TTLL10: variants seen among roughly 807,000 people sequenced by gnomAD.
The protein encoded by TTLL10 is tubulin tyrosine ligase like 10.
Under a neutral mutation model 69.0 loss-of-function variants are expected in TTLL10, and 61 were observed. That is an observed-to-expected ratio of 0.88 (90% CI 0.72 to 1.09). The LOEUF is 1.09. TTLL10 is among the 50% of genes least tolerant of loss of function. The pLI, the probability that TTLL10 is intolerant of heterozygous loss-of-function variation, is 0.00. For synonymous variants in TTLL10, 408 were observed against 393.3 expected, an observed-to-expected ratio of 1.04 and a Z score of -0.44; for missense variants, 962 against 945.9, an observed-to-expected ratio of 1.02 and a Z score of -0.22.
Position 1,182,991 on chromosome 1 carries a change from C to T in TTLL10, c.1032C>T (p.Asp344=), listed in dbSNP as rs906807331. The T allele has an allele frequency of 2.0e-5, 32 of 1,609,524 alleles. No individual in the cohort carries two copies. The highest frequency in any genetic ancestry group is 9.4e-5 in the African/African-American group (7 of 74,814). ...ALQAKTRSME[D]DPIHHKTPFR... is the part of the protein sequence containing the mutation. The stretch of plus-strand genomic sequence containing the variant: ...AGGCCAAGACCCGGAGCATGGAGGA[C>T]GACCCCATCCACCACAAGACGCCGT... Residue 344 remains aspartate (D), a synonymous_variant, in exon 11 of 16, where the codon GAC becomes GAT. Coordinates refer to ENST00000379289, the MANE Select transcript of TTLL10 (RefSeq NM_001130045.2).
chr1:1,174,949 C>T (rs1339545090), intron 3 of TTLL10: 1 of 152,418 alleles, frequency 6.6e-6, no homozygotes, highest in Non-Finnish European at 1.5e-5. Context: ...AACCCTGTCT[C>T]TACTAAAAAT....
rs939476634 is a variant in TTLL10, at chr1:1,179,209, C to G, written c.-7C>G. The G allele has an allele frequency of 5.2e-6, 8 of 1,537,160 alleles. No homozygotes were observed. In the Admixed American group the frequency reaches 1.4e-4, roughly 27 times the overall value. On this transcript the variant is annotated 5_prime_UTR_variant, in exon 4 of 16. Transcript: ENST00000379289. ...TTCAGGGCCCTCGCCCGGGCACCCC[C>G]CGGCCAATGGACCACAGCTGCACCC...
At position 1,197,874 on chromosome 1, in the gene TTLL10, G is replaced by A. The variant is rs12026794; in HGVS notation, c.*27G>A. 0.13 allele frequency: 179,686 copies of A among 1,399,866 alleles called. 17,272 individuals carry two copies. The highest frequency in any genetic ancestry group is 0.58 in the East Asian group (19,506 of 33,634). 86.7% of individuals were successfully genotyped at this position (1,399,866 alleles called of 1,614,324 possible). On this transcript the variant is annotated 3_prime_UTR_variant, in exon 16 of 16. Coordinates refer to ENST00000379289, the MANE Select transcript of TTLL10 (RefSeq NM_001130045.2). ...GGCAGCCACCCGCGCCCAGCGCCCC[G>A]CGCCCCGCGCCCCAGCCGTGCTGCC...
At position 1,186,839 on chromosome 1, in the gene TTLL10, G is replaced by T. The variant is rs924107091; in HGVS notation, c.1401+1730G>T. 1.3e-4 allele frequency among the ~76,000 whole-genome samples: 19 copies of T among 145,632 alleles called. No homozygotes were observed. The South Asian group carries it at 1.6e-3, about 12-fold the overall frequency. On this transcript the variant is annotated intron_variant, in intron 13 of 15. Coordinates refer to ENST00000379289, the MANE Select transcript of TTLL10 (RefSeq NM_001130045.2). ...CCATCCAGTTGTGAAAGTTTTTTTTGTTTGTTTTTTGTTTTTTTTTTTTTG... is the reference window on the plus strand; with the variant it reads ...CCATCCAGTTGTGAAAGTTTTTTTTTTTTGTTTTTTGTTTTTTTTTTTTTG...
rs569439420 is a variant in TTLL10 at position 1,183,032 on chromosome 1, C to T, written c.1073C>T (p.Ala358Val). 291 of 1,606,560 alleles carry T rather than the reference C, an allele frequency of 1.8e-4. 3 individuals are homozygous for T. In the Middle Eastern group the frequency reaches 2.0e-3, roughly 11 times the overall value. Residue 358 changes from alanine (A) to valine (V), a missense_variant, in exon 11 of 16, where the codon GCG (alanine) becomes GTG (valine). Physicochemically the swap from Ala to Val is moderately conservative, Grantham distance 64. Transcript: ENST00000379289. ...AAGACGCCGTTCCGGGGGCCTCAGG[C>T]GCGGGTGGTGCAGAGGTGCGGCGGC... The part of the protein sequence containing the change: ...HHKTPFRGPQ[A>V]RVVQRYIQNP...
intron 10 of TTLL10, 42 bp from the exon 11 acceptor site, chr1:1,182,834 G>C: frequency 6.6e-7 from 1 of 1,516,046 alleles, no homozygotes; most frequent in Non-Finnish European, 8.9e-7. Context: ...GGCGTGGCTG[G>C]GTTGGGGGCG....
At chr1:1,186,413 C>T (rs1471707450) in intron 13 of TTLL10, among the ~76,000 whole-genome samples, 2 of 152,068 alleles carry the variant, frequency 1.3e-5, no homozygotes, top group Non-Finnish European at 2.9e-5. Flanking sequence ...TACAACGTTC[C>T]GTCATATGGA....
chr1:1,179,604 C>A, intron 4 of TTLL10, 53 bp from the exon 5 acceptor site: 1 of 1,549,746 alleles, frequency 6.5e-7, no homozygotes, highest in Non-Finnish European at 8.7e-7. Flanking sequence ...CTGACAATGG[C>A]CCCTTGGGTC....
intron 3 of TTLL10, among the ~76,000 whole-genome samples, chr1:1,178,595 G>A (rs1316366062): frequency 6.6e-6 from 1 of 151,922 alleles, no homozygotes; most frequent in African/African-American, 2.4e-5. Context: ...CTCCCAAGCA[G>A]CCCCAAGATG....
In TTLL10 at chr1:1,181,426, C is replaced by T. The variant is rs114012305; in HGVS notation, c.756-315C>T. ...CCTGCCCACTGCCCTTCTATGGACC[C>T]ACCTATCCCTCCTCACTTCATTTGG... On this transcript the variant is annotated intron_variant, in intron 8 of 15. Coordinates refer to ENST00000379289, the MANE Select transcript of TTLL10 (RefSeq NM_001130045.2). This position sits in a 1 kb window ranked among gnomAD's most constrained non-coding sequence, Gnocchi z 4.6. 0.021 allele frequency among the ~76,000 whole-genome samples: 3,263 copies of T among 152,120 alleles called. 120 individuals carry two copies. The highest frequency in any genetic ancestry group is 0.075 in the African/African-American group (3,097 of 41,450).
At position 1,185,390 on chromosome 1, in the gene TTLL10, C is replaced by T. The variant is rs779601376; in HGVS notation, c.1401+281C>T. 17 of 1,287,424 alleles carry T rather than the reference C, an allele frequency of 1.3e-5. No homozygotes were observed. The highest frequency in any genetic ancestry group is 1.7e-5 in the Non-Finnish European group (17 of 1,017,548). The allele number at this position is 1,287,424 out of a possible 1,614,324, so 79.8% of individuals were successfully genotyped here. ...GCCGTAGGGTCAGGGGACAGCTCGG[C>T]TTCAGTGACAGCCACCATGTGAAGA... On this transcript the variant is annotated intron_variant, in intron 13 of 15. Coordinates refer to ENST00000379289, the MANE Select transcript of TTLL10 (RefSeq NM_001130045.2). This position sits in a 1 kb window ranked among gnomAD's most constrained non-coding sequence, Gnocchi z 6.1.
At chr1:1,197,056 C>T (rs776055941) in intron 14 of TTLL10, 37 bp from the exon 15 acceptor site, 71 of 1,545,102 alleles carry the variant, frequency 4.6e-5, no homozygotes, top group Non-Finnish European at 6.0e-5. Context: ...GCCCAGTGGG[C>T]TCGGGGTGAG....
intron 13 of TTLL10, among the ~76,000 whole-genome samples, chr1:1,188,158 G>A (rs1647482487): frequency 6.7e-6 from 1 of 150,248 alleles, no homozygotes; most frequent in South Asian, 2.1e-4. Flanking sequence ...CAATTGACCA[G>A]AGCTGCAAGT....
intron 3 of TTLL10, chr1:1,175,435 G>C (rs543936087): frequency 1.2e-5 from 4 of 342,518 alleles, no homozygotes; most frequent in African/African-American, 6.4e-5. Flanking sequence ...AAAGGGGCTT[G>C]TCTTCCACAC....
rs13376597 is a variant in TTLL10 at position 1,180,614 on chromosome 1, G to A, written c.625+13G>A. The A allele has an allele frequency of 0.17, 265,360 of 1,551,714 alleles. 26,921 individuals carry two copies. The highest frequency in any genetic ancestry group is 0.42 in the African/African-American group (30,575 of 73,176). On this transcript the variant is annotated intron_variant, in intron 7 of 15. Transcript: ENST00000379289. ...AGCTTCCGGGAAGGTAGCGGGAGCC[G>A]GCACCAGAGGCGGGCAGCCTGCAGG... is the stretch of plus-strand genomic sequence containing the variant.
rs1367401775 is a variant in TTLL10, at chr1:1,181,084, A to G, written c.755+224A>G. On this transcript the variant is annotated intron_variant, in intron 8 of 15. Coordinates refer to ENST00000379289, the MANE Select transcript of TTLL10 (RefSeq NM_001130045.2). This position sits in a 1 kb window ranked among gnomAD's most constrained non-coding sequence, Gnocchi z 4.6. The stretch of plus-strand genomic sequence containing the variant: ...CTGGCCCCAGCCCCCACCCGTCAGC[A>G]CCTGCCTCCACCTTCCACCTGTCCT... Among the ~76,000 whole-genome samples the G allele has an allele frequency of 7.9e-6, 1 of 126,380 alleles. No homozygotes were observed. The highest frequency in any genetic ancestry group is 3.1e-5 in the African/African-American group (1 of 31,936). 82.9% of individuals were successfully genotyped at this position (126,380 alleles called of 152,430 possible).
rs1647031621 is a variant in TTLL10 at position 1,180,754 on chromosome 1, C to T, written c.649C>T (p.Pro217Ser). 6.2e-7 allele frequency: 1 copy of T among 1,608,426 alleles called. No individual in the cohort carries two copies. Among genetic ancestry groups the T allele is most frequent in the South Asian group, 1.1e-5 (1 of 89,618 alleles). The change falls in exon 8 of 16, where the codon CCC becomes TCC. Residue 217 changes from proline (P) to serine (S), a missense_variant. Transcript: ENST00000379289. ...AGGAGAGCAGCTGCTGTACCAGCTT[C>T]CCAACAACAAGCTCCTCACCACCAA... ...REGEQLLYQL[P>S]NNKLLTTKIG...
chr1:1,182,862 C>T lies in TTLL10; in HGVS notation c.917-14C>T, dbSNP rs374332935. 3.7e-5 allele frequency: 58 copies of T among 1,552,150 alleles called. No individual in the cohort carries two copies. The highest frequency in any genetic ancestry group is 9.5e-5 in the East Asian group (4 of 41,988). ...TGGGGGCGAGGCCAGGGGCTCAGGCCGCGCTCTCTGCAGAAACCCAGATAT... is the reference window on the plus strand; with the variant it reads ...TGGGGGCGAGGCCAGGGGCTCAGGCTGCGCTCTCTGCAGAAACCCAGATAT... On this transcript the variant is annotated splice_polypyrimidine_tract_variant and intron_variant, in intron 10 of 15. Transcript: ENST00000379289.
intron 14 of TTLL10, 83 bp from the exon 15 acceptor site, chr1:1,197,010 T>C (rs953796188): frequency 1.2e-5 from 16 of 1,281,286 alleles, no homozygotes; most frequent in Non-Finnish European, 1.8e-5. Flanking sequence ...CAGAGCCATC[T>C]GTCTGAATGA....
Sources: allele counts gnomAD v4.1 joint callset (sites outside exome capture counted in the v4.1 genomes callset), GRCh38; gene constraint gnomAD v4.1.1; non-coding constraint Gnocchi (gnomAD v3.1); transcripts MANE v1.5; gene names NCBI Gene and HGNC (gene_info 2026-07-23, HGNC 2026-07-21).